Variants in RICTOR observed in about 807,000 individuals in gnomAD.
RICTOR encodes the protein RPTOR independent companion of MTOR complex 2.
A neutral mutation model predicts 214.9 loss-of-function variants in RICTOR; 49 were observed. The ratio of observed to expected loss-of-function variants is 0.23; its 90% confidence interval spans 0.18 to 0.29. The LOEUF is 0.29. Among genes scored for constraint, RICTOR ranks in the 10% least tolerant of loss-of-function variants. The probability of loss-of-function intolerance (pLI) is 1.00; values close to 1 mark genes in which losing one functional copy is unlikely to be tolerated. For missense variants in RICTOR, 1,625 were observed against 2,047.0 expected, an observed-to-expected ratio of 0.79 and a Z score of 3.98; for synonymous variants, 717 against 711.3, an observed-to-expected ratio of 1.01 and a Z score of -0.13.
intron 19 of RICTOR, among the ~76,000 whole-genome samples, chr5:38,962,085 T>C (rs149278233): frequency 2.9e-4 from 44 of 152,100 alleles, no homozygotes; most frequent in Non-Finnish European, 5.9e-4. Context: ...CTCAACTACT[T>C]CATCTATTCC....
At chr5:38,972,334 A>G (rs897412902) in intron 10 of RICTOR, among the ~76,000 whole-genome samples, 1 of 152,232 alleles carries the variant, frequency 6.6e-6, no homozygotes, top group Admixed American at 6.5e-5. Context: ...TCTACTTGGC[A>G]TTTATTAAAG....
chr5:39,059,329 G>A (rs1758390437), intron 2 of RICTOR, among the ~76,000 whole-genome samples: 2 of 152,056 alleles, frequency 1.3e-5, no homozygotes, highest in Admixed American at 1.3e-4. Flanking sequence ...CTAATCTATG[G>A]CATTAGAGGT....
At chr5:39,067,257 A>T (rs188731055) in intron 2 of RICTOR, among the ~76,000 whole-genome samples, 62 of 152,178 alleles carry the variant, frequency 4.1e-4, no homozygotes, top group African/African-American at 1.5e-3. Context: ...AAGCAGGAGT[A>T]GGCATCTCAC....
intron 34 of RICTOR, 91 bp from the exon 35 acceptor site, chr5:38,945,159 A>G (rs1004904775): frequency 3.2e-6 from 3 of 929,638 alleles, no homozygotes; most frequent in Non-Finnish European, 4.8e-6. Flanking sequence ...AATATAAAAT[A>G]ACATCTTCTC....
At chr5:39,003,720 G>C (rs1753819983) in intron 3 of RICTOR, 98 bp from the exon 4 acceptor site, 1 of 648,660 alleles carries the variant, frequency 1.5e-6, no homozygotes, top group South Asian at 2.8e-5. Context: ...GTATTTTTAT[G>C]GAATAATATT....
chr5:38,972,859 G>T (rs184151596), intron 10 of RICTOR, among the ~76,000 whole-genome samples: 1 of 143,172 alleles, frequency 7.0e-6, no homozygotes, highest in African/African-American at 2.6e-5. Context: ...GTCAAATCTA[G>T]TAACAGAAGG....
chr5:38,996,808 A>G lies in RICTOR; in HGVS notation c.456+11T>C, dbSNP rs1480580518. 3.8e-6 allele frequency: 6 copies of G among 1,590,102 alleles called. No individual in the cohort carries two copies. Among genetic ancestry groups the G allele is most frequent in the Non-Finnish European group, 5.2e-6 (6 of 1,160,004 alleles). On this transcript the variant is annotated intron_variant, in intron 6 of 37. Transcript: ENST00000357387. Reference sequence around the variant, plus strand: ...ATAAATTTGCCTTTTACTCTCACACATAGAGCATACCTTTCTGACTAATCG... The same window carrying G: ...ATAAATTTGCCTTTTACTCTCACACGTAGAGCATACCTTTCTGACTAATCG...
intron 3 of RICTOR, among the ~76,000 whole-genome samples, chr5:39,007,043 G>C (rs951286445): frequency 6.6e-6 from 1 of 152,048 alleles, no homozygotes; most frequent in Non-Finnish European, 1.5e-5. Context: ...TAAGTTTTGA[G>C]ATAAAACTTC....
At chr5:39,033,821 C>T (rs1756451257) in intron 2 of RICTOR, among the ~76,000 whole-genome samples, 1 of 152,078 alleles carries the variant, frequency 6.6e-6, no homozygotes, top group South Asian at 2.1e-4. Context: ...GCACATGTAC[C>T]ACCGAAACTA....
chr5:38,984,649 T>C lies in RICTOR; in HGVS notation c.584-2613A>G, dbSNP rs150318565. 2.2e-3 allele frequency among the ~76,000 whole-genome samples: 340 copies of C among 152,246 alleles called. 1 individual carries two copies. The highest frequency in any genetic ancestry group is 7.7e-3 in the African/African-American group (321 of 41,500). ...TTAAAAAATCCTCAATGGTAGGTTT[T>C]GGTTCTCTTTTTTTTTAGCTTAAAC... On this transcript the variant is annotated intron_variant, in intron 7 of 37. Transcript: ENST00000357387.
At chr5:38,997,500 T>C (rs568060237) in intron 5 of RICTOR, among the ~76,000 whole-genome samples, 3 of 152,328 alleles carry the variant, frequency 2.0e-5, no homozygotes, top group South Asian at 4.1e-4. Context: ...GCTTTATATA[T>C]AGATAGTCTG....
At chr5:38,967,845 A>T (rs1750365768) in intron 12 of RICTOR, 98 bp downstream of exon 12, 1 of 617,156 alleles carries the variant, frequency 1.6e-6, no homozygotes, top group African/African-American at 1.8e-5. Flanking sequence ...AGAAAAGAAA[A>T]TAGTGTTCAA....
chr5:39,045,730 A>G lies in RICTOR; in HGVS notation c.98-24594T>C, dbSNP rs2150177606. ...TACTTTCATGCTTCTGCTTTTCTCT[A>G]TGAAACATGTCTATAGTTCAGATCA... On this transcript the variant is annotated intron_variant, in intron 2 of 37. Transcript: ENST00000357387. Among the ~76,000 whole-genome samples, 3 of 152,234 alleles carry G rather than the reference A, an allele frequency of 2.0e-5. 1 individual carries two copies. In the South Asian group the frequency reaches 6.2e-4, roughly 32 times the overall value.
intron 2 of RICTOR, among the ~76,000 whole-genome samples, chr5:39,039,399 G>C (rs1168066574): frequency 6.6e-6 from 1 of 152,096 alleles, no homozygotes; most frequent in Non-Finnish European, 1.5e-5. Flanking sequence ...TCAGGACATA[G>C]GCATGGGCAA....
intron 2 of RICTOR, among the ~76,000 whole-genome samples, chr5:39,029,900 G>A (rs1464631436): frequency 6.6e-6 from 1 of 152,134 alleles, no homozygotes; most frequent in African/African-American, 2.4e-5. Flanking sequence ...GTAATCATGT[G>A]AAATTTATAC....
intron 9 of RICTOR, among the ~76,000 whole-genome samples, chr5:38,976,842 C>G (rs905115665): frequency 1.6e-4 from 24 of 152,186 alleles, no homozygotes; most frequent in African/African-American, 5.5e-4. Context: ...CTAGGTTCAC[C>G]TGTTGTCCAT....
At chr5:39,071,490 C>T (rs1323015537) in intron 2 of RICTOR, among the ~76,000 whole-genome samples, 2 of 152,196 alleles carry the variant, frequency 1.3e-5, no homozygotes, top group Admixed American at 6.5e-5. Flanking sequence ...ATATCACTTA[C>T]AAAGTATCCG....
chr5:38,991,545 GA>G (rs1463668097), intron 6 of RICTOR, among the ~76,000 whole-genome samples: 2 of 1,070 alleles, frequency 1.9e-3, no homozygotes, highest in Non-Finnish European at 0.017. Context: ...GAAATTAATT[GA>G]TTAACTTGGG....
At chr5:38,996,775 T>A in intron 6 of RICTOR, 44 bp downstream of exon 6, 1 of 1,233,852 alleles carries the variant, frequency 8.1e-7, no homozygotes, top group Non-Finnish European at 1.2e-6. Context: ...AATATTAACA[T>A]AAAAACCATA....
Sources: allele counts gnomAD v4.1 joint callset (sites outside exome capture counted in the v4.1 genomes callset), GRCh38; gene constraint gnomAD v4.1.1; transcripts MANE v1.5; gene names NCBI Gene and HGNC (gene_info 2026-07-23, HGNC 2026-07-21).